The following RPS6KA3 variants were observed in gnomAD, a reference collection of about 807,000 sequenced individuals.
RPS6KA3 encodes ribosomal protein S6 kinase alpha-3.
Under a neutral mutation model 67.2 loss-of-function variants are expected in RPS6KA3, and 4 were observed. The observed-to-expected ratio is 0.06, with a 90% CI of 0.03 to 0.14. The LOEUF is 0.14. Ranked by LOEUF, RPS6KA3 falls within the 10% of genes least tolerant of loss-of-function variation. The probability of loss-of-function intolerance (pLI) is 1.00; values close to 1 mark genes in which losing one functional copy is unlikely to be tolerated. For missense variants in RPS6KA3, 204 were observed against 559.0 expected, an observed-to-expected ratio of 0.36 and a Z score of 6.40; for synonymous variants, 182 against 183.7, an observed-to-expected ratio of 0.99 and a Z score of 0.07.
chrX:20,174,627 A>G (rs2067655200), intron 14 of RPS6KA3, among the ~76,000 whole-genome samples: 1 of 109,996 alleles, frequency 9.1e-6, no homozygotes, highest in East Asian at 2.9e-4. Context: ...GATTACAAGC[A>G]TGAGCCACCG....
At chrX:20,221,812 TTAGAAA>T (rs2068993467) in intron 2 of RPS6KA3, among the ~76,000 whole-genome samples, 1 of 112,714 alleles carries the variant, frequency 8.9e-6, no homozygotes, top group Admixed American at 9.4e-5. Context: ...ACATTCACAT[TTAGAAA>T]TAATTTCTAG....
chrX:20,205,083 T>G (rs1461999981), intron 3 of RPS6KA3, among the ~76,000 whole-genome samples: 1 of 112,331 alleles, frequency 8.9e-6, no homozygotes, highest in Admixed American at 9.4e-5. Flanking sequence ...GGTATGTTAT[T>G]GGGCATCCTG....
intron 16 of RPS6KA3, among the ~76,000 whole-genome samples, chrX:20,168,054 C>T (rs1211705285): frequency 4.5e-5 from 5 of 111,889 alleles, no homozygotes; most frequent in African/African-American, 9.7e-5. Flanking sequence ...TGCTGTGTCT[C>T]CATGAGCAGG....
At chrX:20,191,797 G>C (rs1300303296) in intron 7 of RPS6KA3, among the ~76,000 whole-genome samples, 1 of 109,750 alleles carries the variant, frequency 9.1e-6, no homozygotes, top group Admixed American at 9.7e-5. Flanking sequence ...ACTGAGTTTC[G>C]CTCTTGTCAC....
At chrX:20,200,692 T>G (rs746782128) in intron 4 of RPS6KA3, among the ~76,000 whole-genome samples, 9 of 111,434 alleles carry the variant, frequency 8.1e-5, no homozygotes, top group African/African-American at 2.9e-4. Context: ...TTTTCCTTAT[T>G]AAAAAAAATT....
In RPS6KA3 at chrX:20,228,234, T is replaced by C. The variant is rs764538560; in HGVS notation, c.126+6524A>G. ...GACTTCCTCAAATAACTGGTGATATTTGGCTTTCCATAAATATTTGCGTGA... is the reference window on the plus strand; with the variant it reads ...GACTTCCTCAAATAACTGGTGATATCTGGCTTTCCATAAATATTTGCGTGA... On this transcript the variant is annotated intron_variant, in intron 2 of 21. Transcript: ENST00000379565. Among the ~76,000 whole-genome samples, 11 of 112,246 alleles carry C rather than the reference T, an allele frequency of 9.8e-5. No homozygotes were observed. The East Asian group carries it at 3.1e-3, about 31-fold the overall frequency.
At chrX:20,182,802 T>C (rs534451090) in intron 10 of RPS6KA3, among the ~76,000 whole-genome samples, 1 of 111,681 alleles carries the variant, frequency 9.0e-6, no homozygotes, top group South Asian at 3.8e-4. Context: ...GTTATATGAG[T>C]ATTGATATTC....
intron 1 of RPS6KA3, among the ~76,000 whole-genome samples, chrX:20,246,892 A>G (rs1003066352): frequency 1.8e-5 from 2 of 111,899 alleles, no homozygotes; most frequent in Non-Finnish European, 3.8e-5. Context: ...TATCAACTGT[A>G]TCTCAATACA....
chrX:20,211,817 G>A (rs1156382073), intron 2 of RPS6KA3, among the ~76,000 whole-genome samples: 1 of 111,596 alleles, frequency 9.0e-6, no homozygotes, highest in Admixed American at 9.5e-5. Flanking sequence ...ATCTGTTCAA[G>A]AGCCTAATTG....
rs1405829018 is a variant in RPS6KA3, at chrX:20,161,637, T to TAC, written c.1959+5_1959+6dup. The TAC allele has an allele frequency of 2.0e-6, 2 of 994,456 alleles. No homozygotes were observed. The highest frequency in any genetic ancestry group is 3.8e-5 in the African/African-American group (2 of 52,638). 82.0% of individuals were successfully genotyped at this position (994,456 alleles called of 1,213,427 possible). A position where few individuals can be genotyped will look rare whatever the true frequency, so the allele number is the denominator to read the frequency against. ...CTCAAAATCTTATAATAGGAAGTGA[T>TAC]ACTTACCTTTGCTGTGTCTGAAACA... On this transcript the variant is annotated splice_region_variant and intron_variant, in intron 20 of 21. Coordinates refer to ENST00000379565, the MANE Select transcript of RPS6KA3 (RefSeq NM_004586.3).
chrX:20,162,116 T>C (rs775941836), intron 19 of RPS6KA3, among the ~76,000 whole-genome samples: 9 of 109,259 alleles, frequency 8.2e-5, no homozygotes, highest in African/African-American at 2.7e-4. Flanking sequence ...GGTGGGCGGA[T>C]CACGAGGTCA....
intron 1 of RPS6KA3, chrX:20,265,469 G>C (rs2070351410): frequency 8.9e-6 from 1 of 112,312 alleles, no homozygotes; most frequent in African/African-American, 3.3e-5. Context: ...CCGCGTTTCA[G>C]TCATGCTTTC....
chrX:20,238,604 C>T (rs1218315096), intron 1 of RPS6KA3, among the ~76,000 whole-genome samples: 2 of 110,716 alleles, frequency 1.8e-5, no homozygotes, highest in Non-Finnish European at 3.8e-5. Flanking sequence ...ATAGTATATA[C>T]TAACAAAGCA....
chrX:20,244,133 A>G (rs1603431097), intron 1 of RPS6KA3, among the ~76,000 whole-genome samples: 1 of 111,924 alleles, frequency 8.9e-6, no homozygotes, highest in African/African-American at 3.3e-5. Context: ...TGAATTTTAT[A>G]ATGTAAAAAG....
intron 10 of RPS6KA3, among the ~76,000 whole-genome samples, chrX:20,182,257 T>C (rs1435822530): frequency 8.9e-6 from 1 of 111,956 alleles, no homozygotes; most frequent in Non-Finnish European, 1.9e-5. Flanking sequence ...AAAACTATGC[T>C]TTAGTTTTGC....
intron 2 of RPS6KA3, chrX:20,218,764 C>T (rs1393955775): frequency 2.1e-6 from 2 of 972,205 alleles, no homozygotes; most frequent in Middle Eastern, 2.7e-4. Flanking sequence ...CCAACTAAAA[C>T]ATTTTATTCT....
At chrX:20,219,322 A>C (rs746882803) in intron 2 of RPS6KA3, among the ~76,000 whole-genome samples, 14 of 111,609 alleles carry the variant, frequency 1.3e-4, no homozygotes, top group Non-Finnish European at 2.6e-4. Context: ...TTATACACAC[A>C]CTCAAGCCGT....
intron 2 of RPS6KA3, among the ~76,000 whole-genome samples, chrX:20,220,919 A>G (rs1336463285): frequency 8.9e-6 from 1 of 112,088 alleles, no homozygotes; most frequent in South Asian, 3.7e-4. Context: ...CATAAGGGAA[A>G]GTATTAATAC....
intron 20 of RPS6KA3, among the ~76,000 whole-genome samples, chrX:20,158,491 C>T (rs189419211): frequency 9.1e-6 from 1 of 109,451 alleles, no homozygotes; most frequent in East Asian, 2.8e-4. Context: ...TCCAGGTACT[C>T]CTCTGCTATG....
Sources: gnomAD v4.1 joint callset for allele counts (sites outside exome capture counted in the v4.1 genomes callset) on GRCh38, gnomAD v4.1.1 for gene constraint, MANE v1.5 for transcripts, NCBI Gene and HGNC (gene_info 2026-07-23, HGNC 2026-07-21) for gene names.